The following C1QTNF5 variants were observed in gnomAD, a reference collection of about 807,000 sequenced individuals.
C1QTNF5 encodes C1q and TNF related 5.
A neutral mutation model predicts 10.9 loss-of-function variants in C1QTNF5; 5 were observed. The ratio of observed to expected loss-of-function variants is 0.46; its 90% CI spans 0.24 to 0.97. The LOEUF is 0.97. Among genes scored for constraint, C1QTNF5 ranks in the 50% least tolerant of loss-of-function variants. The pLI is 0.19. For missense variants in C1QTNF5, 281 were observed against 339.4 expected, an observed-to-expected ratio of 0.83 and a Z score of 1.35; for synonymous variants, 161 against 156.5, an observed-to-expected ratio of 1.03 and a Z score of -0.22.
chr11:119,344,893 C>T, upstream of C1QTNF5: 2 of 1,613,012 alleles, frequency 1.2e-6, no homozygotes, highest in Non-Finnish European at 1.7e-6. Context: ...GGGCCATAGC[C>T]TGGTACCAGG....
At chr11:119,346,467 G>T in the C1QTNF5 span, 3 of 1,614,020 alleles carry the variant, frequency 1.9e-6, no homozygotes, top group Non-Finnish European at 2.5e-6. Context: ...TACCTTGCTC[G>T]ATTCTGTTGC....
At chr11:119,344,437 T>C (rs764608314), upstream of C1QTNF5, 78 of 1,584,208 alleles carry the variant, frequency 4.9e-5, no homozygotes, top group Admixed American at 1.2e-4. Context: ...GATCTGTGCC[T>C]CCATCCAATA....
chr11:119,345,489 A>C, upstream of C1QTNF5: 2 of 1,614,102 alleles, frequency 1.2e-6, no homozygotes, highest in Non-Finnish European at 1.7e-6. Flanking sequence ...CACACTCTCT[A>C]TGCTGAGGGC....
At chr11:119,346,223 G>A in the C1QTNF5 span, 4 of 1,569,454 alleles carry the variant, frequency 2.5e-6, no homozygotes, top group Non-Finnish European at 3.5e-6. Context: ...GCTGTCCTTG[G>A]CTCCTGGGCC....
At chr11:119,344,897 T>C (rs754036023), upstream of C1QTNF5, 1 of 1,612,844 alleles carries the variant, frequency 6.2e-7, no homozygotes, top group Non-Finnish European at 8.5e-7. Context: ...CATAGCCTGG[T>C]ACCAGGCATG....
At chr11:119,346,327 G>A in the C1QTNF5 span, 2 of 1,614,032 alleles carry the variant, frequency 1.2e-6, no homozygotes, top group Non-Finnish European at 1.7e-6. Flanking sequence ...CTGGGGGAGG[G>A]CAGGGTGGCC....
At chr11:119,343,024 T>G, upstream of C1QTNF5, 1 of 1,587,770 alleles carries the variant, frequency 6.3e-7, no homozygotes, top group Non-Finnish European at 8.6e-7. Context: ...CAGACAGCTG[T>G]TCTGGGCACC....
rs1178933033 is a variant in C1QTNF5 at position 119,340,337 on chromosome 11, C to T, written c.61G>A (p.Asp21Asn). 5.8e-6 allele frequency: 9 copies of T among 1,543,528 alleles called. No individual in the cohort carries two copies. The highest frequency in any genetic ancestry group is 1.2e-5 in the South Asian group (1 of 83,378). The change falls in exon 2 of 3, where the codon GAC becomes AAC. Residue 21 changes from aspartate to asparagine, a missense_variant. By Grantham distance (23) the Asp-to-Asn change is conservative. Transcript: ENST00000528368. ...GLAAGSPPLD[D>N]NKIPSLCPGH... The stretch of plus-strand genomic sequence containing the variant: ...GGGCAGAGGCTGGGGATCTTGTTGT[C>T]GTCCAGTGGGGGCGAGCCGGCCGCC...
At chr11:119,343,586 A>G (rs1358011115), upstream of C1QTNF5, among the ~76,000 whole-genome samples, 2 of 152,064 alleles carry the variant, frequency 1.3e-5, no homozygotes, top group Non-Finnish European at 2.9e-5. Context: ...GCCGGTGGGG[A>G]GGAACTGGGG....
At chr11:119,346,033 C>A in the C1QTNF5 span, 1 of 1,612,112 alleles carries the variant, frequency 6.2e-7, no homozygotes, top group Non-Finnish European at 8.5e-7. Context: ...TCAAGCTGTC[C>A]CCGGGTACTT....
At chr11:119,344,070 T>A, upstream of C1QTNF5, 1 of 1,439,802 alleles carries the variant, frequency 6.9e-7, no homozygotes, top group Non-Finnish European at 9.6e-7. Flanking sequence ...GATGGGGTGG[T>A]GCTTTCATCA....
upstream of C1QTNF5, chr11:119,345,581 G>A: frequency 6.2e-7 from 1 of 1,613,922 alleles, no homozygotes; most frequent in East Asian, 2.2e-5. Context: ...AAGGGTCTGG[G>A]TAGTTAGGGC....
At position 119,340,246 on chromosome 11, in the gene C1QTNF5, C is replaced by A. The variant is rs1446290588; in HGVS notation, c.152G>T (p.Gly51Val). Residue 51 changes from glycine (G) to valine (V), a missense_variant, in exon 2 of 3, where the codon GGC becomes GTC. Gly to Val is a moderately radical substitution (Grantham distance 109). Transcript: ENST00000528368. ...HGSQGLPGRD[G>V]RDGRDGAPGA... ...GGGCGCGCCGTCGCGGCCGTCGCGG[C>A]CATCGCGGCCCGGCAAGCCCTGGCT... 2 of 1,515,038 alleles carry A rather than the reference C, an allele frequency of 1.3e-6. No individual in the cohort carries two copies. Among genetic ancestry groups the A allele is most frequent in the East Asian group, 2.7e-5 (1 of 36,904 alleles). The allele number at this position is 1,515,038 out of a possible 1,614,324, so 93.8% of individuals were successfully genotyped here.
upstream of C1QTNF5, chr11:119,342,611 A>C: frequency 6.2e-7 from 1 of 1,613,320 alleles, no homozygotes; most frequent in Non-Finnish European, 8.5e-7. Flanking sequence ...GGTGGGAACA[A>C]GGGGCCGCTG....
At chr11:119,342,651 T>G (rs1358661096), upstream of C1QTNF5, 1 of 1,613,536 alleles carries the variant, frequency 6.2e-7, no homozygotes, top group South Asian at 1.1e-5. Flanking sequence ...CGGTGCAGTC[T>G]CTCCACATGT....
In C1QTNF5 at chr11:119,339,022, A is replaced by C. The variant is rs1950468120; in HGVS notation, c.*309T>G. ...GGAGGGGGTGGGGAGGATCCAGAGA[A>C]GCAGAGGACCAGGAAGAGAGCACCC... On this transcript the variant is annotated 3_prime_UTR_variant, in exon 3 of 3. Transcript: ENST00000528368. The surrounding 1 kb of genome is among the most constrained non-coding windows in gnomAD (Gnocchi z 5.4). The C allele has an allele frequency of 3.2e-6, 1 of 317,252 alleles. No individual in the cohort carries two copies. Among genetic ancestry groups the C allele is most frequent in the African/African-American group, 2.1e-5 (1 of 47,470 alleles). The allele number at this position is 317,252 out of a possible 1,614,324, so 19.7% of individuals were successfully genotyped here. A position where few individuals can be genotyped will look rare whatever the true frequency, so the allele number is the denominator to read the frequency against.
At chr11:119,344,350 T>C (rs762504499), upstream of C1QTNF5, 6 of 1,612,858 alleles carry the variant, frequency 3.7e-6, no homozygotes, top group Admixed American at 3.3e-5. Context: ...TAGCTGGGAG[T>C]AGAGAAAGTG....
At position 119,339,675 on chromosome 11, in the gene C1QTNF5, C is replaced by T; in HGVS notation, c.388G>A (p.Val130Met). ...GCGTCGTAATGTCCCTGCTCGTTCACCAGCACGCGGTCGAAGGGCAAGGGT... is the reference window on the plus strand; with the variant it reads ...GCGTCGTAATGTCCCTGCTCGTTCATCAGCACGCGGTCGAAGGGCAAGGGT... ...DAPLPFDRVL[V>M]NEQGHYDAVT... Residue 130 changes from valine to methionine, a missense_variant, in exon 3 of 3, where the codon GTG (valine) becomes ATG (methionine). Val to Met is a conservative substitution (Grantham distance 21). Transcript: ENST00000528368. This position sits in a 1 kb window ranked among gnomAD's most constrained non-coding sequence, Gnocchi z 5.4. The T allele has an allele frequency of 6.2e-7, 1 of 1,611,106 alleles. No individual in the cohort carries two copies. The highest frequency in any genetic ancestry group is 2.2e-5 in the East Asian group (1 of 44,880).
chr11:119,344,405 GA>G (rs772995779), upstream of C1QTNF5: 97 of 1,612,116 alleles, frequency 6.0e-5, no homozygotes, highest in Non-Finnish European at 8.1e-5. Context: ...TAGAGAGGTG[GA>G]AGGGCTCATG....
Sources: gnomAD v4.1 joint callset for allele counts (sites outside exome capture counted in the v4.1 genomes callset) on GRCh38, gnomAD v4.1.1 for gene constraint, Gnocchi (gnomAD v3.1) non-coding constraint, MANE v1.5 for transcripts, NCBI Gene and HGNC (gene_info 2026-07-23, HGNC 2026-07-21) for gene names.